The following PTPRD variants were observed in gnomAD, a reference collection of about 807,000 sequenced individuals.
The protein encoded by PTPRD is protein tyrosine phosphatase receptor type D, also known as receptor-type tyrosine-protein phosphatase delta.
A neutral mutation model predicts 214.5 loss-of-function variants in PTPRD; 34 were observed. The ratio of observed to expected loss-of-function variants is 0.16; its 90% CI spans 0.12 to 0.21. PTPRD has a LOEUF of 0.21. Ranked by LOEUF, PTPRD falls within the 10% of genes least tolerant of loss-of-function variation. PTPRD has a pLI of 1.00. For synonymous variants in PTPRD, 1,128 were observed against 845.7 expected (o/e 1.33, Z -5.79); for missense variants, 2,545 against 2,398.7 (o/e 1.06, Z -1.27).
chr9:9,491,853 C>A (rs934907799), intron 8 of PTPRD, among the ~76,000 whole-genome samples: 1 of 151,672 alleles, frequency 6.6e-6, no homozygotes, highest in Admixed American at 6.6e-5. Context: ...AAAAGAAGAA[C>A]AAGCTACACC....
intron 4 of PTPRD, among the ~76,000 whole-genome samples, chr9:9,984,936 G>C (rs951631814): frequency 6.6e-6 from 1 of 152,114 alleles, no homozygotes; most frequent in African/African-American, 2.4e-5. Flanking sequence ...CCTGCAATGT[G>C]CCCTACAGCT....
At chr9:8,514,192 C>G (rs561390847) in intron 21 of PTPRD, among the ~76,000 whole-genome samples, 7 of 152,082 alleles carry the variant, frequency 4.6e-5, no homozygotes, top group Non-Finnish European at 8.8e-5. Context: ...TATGGTCTGT[C>G]TACTTCAACA....
intron 9 of PTPRD, among the ~76,000 whole-genome samples, chr9:9,193,818 G>T (rs1000727952): frequency 2.6e-5 from 4 of 151,902 alleles, no homozygotes; most frequent in African/African-American, 9.7e-5. Flanking sequence ...GTGCACAACT[G>T]TAGACTTTAT....
At chr9:10,494,458 G>T (rs10121902) in intron 2 of PTPRD, among the ~76,000 whole-genome samples, 2,524 of 151,634 alleles carry the variant, frequency 0.017, 61 homozygotes, top group African/African-American at 0.058. Flanking sequence ...TTGTTCTTTG[G>T]AATTATGCCT....
chr9:9,401,440 C>G (rs1178033558), intron 8 of PTPRD, among the ~76,000 whole-genome samples: 3 of 151,940 alleles, frequency 2.0e-5, no homozygotes, highest in South Asian at 2.1e-4. Context: ...AAGTCCAGGA[C>G]TTGGACTGAA....
chr9:10,513,544 G>C (rs141238281), intron 2 of PTPRD, among the ~76,000 whole-genome samples: 1 of 152,282 alleles, frequency 6.6e-6, no homozygotes, highest in Admixed American at 6.5e-5. Flanking sequence ...TTAGTCATTA[G>C]AGCTGGTTAC....
intron 3 of PTPRD, among the ~76,000 whole-genome samples, chr9:10,239,032 G>T (rs1056504161): frequency 6.6e-6 from 1 of 151,762 alleles, no homozygotes; most frequent in African/African-American, 2.4e-5. Flanking sequence ...GGGCAACAAG[G>T]GGAAAAAGAA....
intron 9 of PTPRD, among the ~76,000 whole-genome samples, chr9:9,276,038 C>T (rs1410565274): frequency 1.3e-5 from 2 of 151,258 alleles, no homozygotes; most frequent in Non-Finnish European, 3.0e-5. Context: ...ATCATCTCAG[C>T]CCTAGAGGGA....
chr9:9,729,269 C>A (rs2098143342), intron 7 of PTPRD, among the ~76,000 whole-genome samples: 1 of 152,226 alleles, frequency 6.6e-6, no homozygotes, highest in South Asian at 2.1e-4. Context: ...TCAGGTGACT[C>A]AGGGATTAGG....
chr9:10,443,741 C>A (rs1007526147), intron 2 of PTPRD, among the ~76,000 whole-genome samples: 8 of 151,250 alleles, frequency 5.3e-5, no homozygotes, highest in African/African-American at 1.9e-4. Context: ...AGTCCATTAC[C>A]TGTTAACTAC....
chr9:9,631,048 T>G (rs1400418483), intron 7 of PTPRD, among the ~76,000 whole-genome samples: 3 of 152,018 alleles, frequency 2.0e-5, no homozygotes, highest in Admixed American at 1.3e-4. Context: ...CTCTGTCATT[T>G]AAAAACAATA....
intron 39 of PTPRD, among the ~76,000 whole-genome samples, chr9:8,361,889 A>C (rs2078589717): frequency 1.3e-5 from 2 of 152,224 alleles, no homozygotes; most frequent in Non-Finnish European, 2.9e-5. Flanking sequence ...GAAATAACAA[A>C]GAGGATCGTG....
At chr9:8,615,014 T>C (rs138250000) in intron 14 of PTPRD, among the ~76,000 whole-genome samples, 3 of 152,118 alleles carry the variant, frequency 2.0e-5, no homozygotes, top group Non-Finnish European at 4.4e-5. Context: ...TCTTTCTCCA[T>C]CTGAGGGGTG....
intron 10 of PTPRD, among the ~76,000 whole-genome samples, chr9:9,098,748 T>C (rs1006858586): frequency 1.3e-5 from 2 of 152,198 alleles, no homozygotes; most frequent in Non-Finnish European, 2.9e-5. Flanking sequence ...TACAACATTT[T>C]GGGGAAAAAT....
intron 9 of PTPRD, among the ~76,000 whole-genome samples, chr9:9,367,768 G>A (rs1378949449): frequency 6.6e-6 from 1 of 151,658 alleles, no homozygotes; most frequent in Admixed American, 6.6e-5. Flanking sequence ...ATGCTAACTC[G>A]AATTTGCAAA....
intron 3 of PTPRD, among the ~76,000 whole-genome samples, chr9:10,284,648 G>C (rs1489954397): frequency 6.6e-6 from 1 of 152,112 alleles, no homozygotes; most frequent in African/African-American, 2.4e-5. Flanking sequence ...TTCTCAAAAG[G>C]CTTCAACCAA....
intron 3 of PTPRD, among the ~76,000 whole-genome samples, chr9:10,110,407 A>G (rs144595999): frequency 7.0e-4 from 106 of 152,274 alleles, no homozygotes; most frequent in African/African-American, 2.0e-3. Flanking sequence ...GTGCTTTTAC[A>G]TTTGGTTTTC....
chr9:9,496,161 C>T lies in PTPRD; in HGVS notation c.-237+78571G>A, dbSNP rs76502936. 3.9e-5 allele frequency among the ~76,000 whole-genome samples: 6 copies of T among 152,040 alleles called. No homozygotes were observed. The East Asian group carries it at 1.2e-3, about 29-fold the overall frequency. On this transcript the variant is annotated intron_variant, in intron 8 of 45. Coordinates refer to ENST00000381196, the MANE Select transcript of PTPRD (RefSeq NM_002839.4). ...ACAACTTTTGATTTGACAGTGTTTT[C>T]TTGGATATGACACCAAAAACTTAGG...
intron 11 of PTPRD, among the ~76,000 whole-genome samples, chr9:8,984,946 G>T (rs1356383235): frequency 6.6e-6 from 1 of 151,930 alleles, no homozygotes; most frequent in Non-Finnish European, 1.5e-5. Flanking sequence ...ATTTGCTCAG[G>T]ACCCATTTTA....
Sources: gnomAD v4.1 joint callset for allele counts (sites outside exome capture counted in the v4.1 genomes callset) on GRCh38, gnomAD v4.1.1 for gene constraint, MANE v1.5 for transcripts, NCBI Gene and HGNC (gene_info 2026-07-23, HGNC 2026-07-21) for gene names.